The following RPS6KC1 variants were observed in gnomAD, a reference collection of about 807,000 sequenced individuals.
The protein encoded by RPS6KC1 is inactive ribosomal protein S6 kinase delta-1.
In RPS6KC1, 54 loss-of-function variants were observed where a neutral mutation model predicts 103.8. The ratio of observed to expected loss-of-function variants is 0.52; its 90% confidence interval spans 0.42 to 0.65. The LOEUF is 0.65. RPS6KC1 is among the 30% of genes least tolerant of loss of function. The pLI, the probability that RPS6KC1 is intolerant of heterozygous loss-of-function variation, is 0.00. For missense variants in RPS6KC1, 1,151 were observed against 1,253.8 expected, an observed-to-expected ratio of 0.92 and a Z score of 1.24; for synonymous variants, 439 against 438.7, an observed-to-expected ratio of 1.00 and a Z score of -0.01.
At chr1:213,509,871 A>G in the RPS6KC1 span, among the ~76,000 whole-genome samples, 1 of 152,172 alleles carries the variant, frequency 6.6e-6, no homozygotes, top group Non-Finnish European at 1.5e-5. Context: ...ATGTCCATAG[A>G]TGTATCTCTT....
At chr1:213,388,480 C>T in the RPS6KC1 span, among the ~76,000 whole-genome samples, 1 of 152,188 alleles carries the variant, frequency 6.6e-6, no homozygotes, top group African/African-American at 2.4e-5. Context: ...CTCCCACATT[C>T]TTCATGCAAT....
chr1:213,064,786 T>C (rs1409092405), intron 1 of RPS6KC1, among the ~76,000 whole-genome samples: 1 of 150,246 alleles, frequency 6.7e-6, no homozygotes, highest in Non-Finnish European at 1.5e-5. Context: ...CATGCCATTC[T>C]CCTGCCTCAG....
chr1:213,634,404 T>C, the RPS6KC1 span, among the ~76,000 whole-genome samples: 2 of 152,096 alleles, frequency 1.3e-5, no homozygotes, highest in South Asian at 2.1e-4. Flanking sequence ...GCAATCAAAT[T>C]AGAATTCAGG....
intron 12 of RPS6KC1, 53 bp downstream of exon 12, chr1:213,242,711 C>T (rs1159322954): frequency 1.6e-6 from 2 of 1,264,882 alleles, no homozygotes; most frequent in Non-Finnish European, 2.3e-6. Flanking sequence ...CGGCAGCTCT[C>T]ATTTCTTTAT....
At chr1:213,856,393 A>G in the RPS6KC1 span, among the ~76,000 whole-genome samples, 6 of 151,886 alleles carry the variant, frequency 4.0e-5, no homozygotes, top group Admixed American at 1.3e-4. Context: ...TATACCACCA[A>G]ATTAGTTTCA....
At chr1:213,196,959 C>T (rs2092972431) in intron 8 of RPS6KC1, among the ~76,000 whole-genome samples, 1 of 152,132 alleles carries the variant, frequency 6.6e-6, no homozygotes, top group African/African-American at 2.4e-5. Flanking sequence ...GCCTCAGCCT[C>T]CTGAGTAGCT....
the RPS6KC1 span, among the ~76,000 whole-genome samples, chr1:213,503,289 A>G: frequency 6.6e-6 from 1 of 152,192 alleles, no homozygotes; most frequent in African/African-American, 2.4e-5. Flanking sequence ...AGTGAAAAAT[A>G]TACTTAACCT....
chr1:213,779,051 C>T, the RPS6KC1 span, among the ~76,000 whole-genome samples: 3 of 152,096 alleles, frequency 2.0e-5, no homozygotes, highest in Admixed American at 6.5e-5. Flanking sequence ...TCAGAGGCCT[C>T]ACTCTAAGCA....
chr1:213,513,248 G>A, the RPS6KC1 span, among the ~76,000 whole-genome samples: 121 of 152,228 alleles, frequency 7.9e-4, no homozygotes, highest in African/African-American at 2.5e-3. Flanking sequence ...GAAAGAATTC[G>A]TTCATAGAGC....
At chr1:213,261,034 A>G (rs1298323039) in intron 12 of RPS6KC1, among the ~76,000 whole-genome samples, 2 of 152,222 alleles carry the variant, frequency 1.3e-5, no homozygotes, top group Non-Finnish European at 2.9e-5. Flanking sequence ...AACTGATTAC[A>G]TAGGAAAGGG....
At chr1:213,558,185 G>A in the RPS6KC1 span, among the ~76,000 whole-genome samples, 1 of 152,228 alleles carries the variant, frequency 6.6e-6, no homozygotes, top group African/African-American at 2.4e-5. Flanking sequence ...CTTGCAGTGA[G>A]AGTTGCTATG....
chr1:213,645,310 G>C, the RPS6KC1 span, among the ~76,000 whole-genome samples: 2 of 152,072 alleles, frequency 1.3e-5, no homozygotes, highest in Non-Finnish European at 2.9e-5. Flanking sequence ...TGAGAGCCAA[G>C]GTGTATTTTG....
the RPS6KC1 span, among the ~76,000 whole-genome samples, chr1:213,807,826 C>A: frequency 6.6e-6 from 1 of 152,218 alleles, no homozygotes; most frequent in African/African-American, 2.4e-5. Context: ...TGAGGAACTG[C>A]GATCCTTTGG....
At chr1:213,245,927 A>G (rs1353092272) in intron 12 of RPS6KC1, among the ~76,000 whole-genome samples, 2 of 152,208 alleles carry the variant, frequency 1.3e-5, no homozygotes, top group African/African-American at 4.8e-5. Context: ...TCAACAATGT[A>G]TACTCCCAAG....
intron 8 of RPS6KC1, among the ~76,000 whole-genome samples, chr1:213,225,616 T>G (rs1361948527): frequency 1.3e-5 from 2 of 152,182 alleles, no homozygotes; most frequent in East Asian, 3.9e-4. Context: ...CTTAAACTCC[T>G]GACCTCAGGT....
At chr1:213,511,327 C>T in the RPS6KC1 span, among the ~76,000 whole-genome samples, 2 of 152,242 alleles carry the variant, frequency 1.3e-5, no homozygotes, top group Non-Finnish European at 2.9e-5. Flanking sequence ...GGAGATGGTG[C>T]CCCCACGGCC....
the RPS6KC1 span, among the ~76,000 whole-genome samples, chr1:213,488,880 A>C: frequency 6.6e-6 from 1 of 152,216 alleles, no homozygotes. Context: ...GTAAGCAAAT[A>C]CTGACATACT....
At chr1:213,245,195 TAAATC>T (rs1169295728) in intron 12 of RPS6KC1, among the ~76,000 whole-genome samples, 1 of 152,174 alleles carries the variant, frequency 6.6e-6, no homozygotes, top group African/African-American at 2.4e-5. Context: ...GTGCTACTGA[TAAATC>T]AAAACTACAG....
chr1:213,516,364 G>T, the RPS6KC1 span, among the ~76,000 whole-genome samples: 7 of 152,098 alleles, frequency 4.6e-5, no homozygotes. Flanking sequence ...TTGGCTGTGG[G>T]TTTGTCATAG....
Sources: allele counts gnomAD v4.1 joint callset (sites outside exome capture counted in the v4.1 genomes callset), GRCh38; gene constraint gnomAD v4.1.1; transcripts MANE v1.5; gene names NCBI Gene and HGNC (gene_info 2026-07-23, HGNC 2026-07-21).